The following FLI1 variants were observed in gnomAD, a reference collection of about 807,000 sequenced individuals.
FLI1 encodes the protein Friend leukemia integration 1 transcription factor.
FLI1 carries 13 observed loss-of-function variants against 53.1 expected under a neutral mutation model. That is an observed-to-expected ratio of 0.24 (90% CI 0.16 to 0.39). The LOEUF (loss-of-function observed/expected upper bound fraction) is 0.39. FLI1 is among the 10% of genes least tolerant of loss of function. The pLI is 1.00. For synonymous variants in FLI1, 244 were observed against 236.7 expected, an observed-to-expected ratio of 1.03 and a Z score of -0.28; for missense variants, 424 against 600.5, an observed-to-expected ratio of 0.71 and a Z score of 3.07.
chr11:128,692,130 G>A (rs1344172769), upstream of FLI1: 1 of 152,206 alleles, frequency 6.6e-6, no homozygotes, highest in Non-Finnish European at 1.5e-5. Flanking sequence ...GGCTGAAAAG[G>A]AAACAATTTG....
At chr11:128,728,122 G>A (rs542641113) in intron 1 of FLI1, among the ~76,000 whole-genome samples, 4 of 152,372 alleles carry the variant, frequency 2.6e-5, no homozygotes, top group Admixed American at 2.6e-4. Flanking sequence ...GAATCACAGG[G>A]TGCAGCCCCA....
At chr11:128,736,321 T>C (rs1939914804) in intron 1 of FLI1, among the ~76,000 whole-genome samples, 1 of 152,170 alleles carries the variant, frequency 6.6e-6, no homozygotes, top group African/African-American at 2.4e-5. Flanking sequence ...AAACTTCCAA[T>C]GAAAGGGGTG....
chr11:128,810,935 G>T lies in FLI1; in HGVS notation c.1306G>T (p.Val436Phe). The T allele has an allele frequency of 6.2e-7, 1 of 1,613,876 alleles. No individual in the cohort carries two copies. Among genetic ancestry groups the T allele is most frequent in the Non-Finnish European group, 8.5e-7 (1 of 1,179,868 alleles). ...GGGGGGAATCTACCCCAACCCCAAC[G>T]TCCCCCGCCATCCTAACACCCACGT... ...PTGGIYPNPN[V>F]PRHPNTHVPS... Residue 436 changes from valine (V) to phenylalanine (F), a missense_variant, in exon 9 of 9, where the codon GTC (valine) becomes TTC (phenylalanine). Val to Phe is a conservative substitution (Grantham distance 50, BLOSUM62 -1). Around this residue, in one of 5 missense-constraint regions of FLI1, gnomAD observed 87 missense variants for 100.0 expected, o/e 0.87. Coordinates refer to ENST00000527786, the MANE Select transcript of FLI1 (RefSeq NM_002017.5). This position sits in a 1 kb window ranked among gnomAD's most constrained non-coding sequence, Gnocchi z 6.6.
At chr11:128,701,262 A>G (rs1308552216) in intron 1 of FLI1, among the ~76,000 whole-genome samples, 1 of 152,192 alleles carries the variant, frequency 6.6e-6, no homozygotes, top group Non-Finnish European at 1.5e-5. Context: ...TGGGCCTTCT[A>G]TCCTGGGCTA....
intron 1 of FLI1, among the ~76,000 whole-genome samples, chr11:128,706,467 T>C (rs1938549471): frequency 6.6e-6 from 1 of 152,106 alleles, no homozygotes. Flanking sequence ...AAAGTACCTA[T>C]CACACATTGC....
At chr11:128,733,946 G>A (rs117547086) in intron 1 of FLI1, among the ~76,000 whole-genome samples, 1 of 152,348 alleles carries the variant, frequency 6.6e-6, no homozygotes, top group East Asian at 1.9e-4. Context: ...TCAGCACAGT[G>A]AGGAGAGGAG....
chr11:128,730,698 C>A (rs1939661003), intron 1 of FLI1, among the ~76,000 whole-genome samples: 1 of 152,180 alleles, frequency 6.6e-6, no homozygotes, highest in African/African-American at 2.4e-5. Context: ...GATGGATACA[C>A]CACGAAGGGG....
intron 1 of FLI1, among the ~76,000 whole-genome samples, chr11:128,712,662 T>C (rs665440): frequency 0.063 from 9,601 of 152,146 alleles, 343 homozygotes; most frequent in Middle Eastern, 0.099. Flanking sequence ...CCATCAGATG[T>C]CATGAAACCC....
At chr11:128,717,502 T>A (rs920091277) in intron 1 of FLI1, among the ~76,000 whole-genome samples, 2 of 152,112 alleles carry the variant, frequency 1.3e-5, no homozygotes, top group East Asian at 3.8e-4. Context: ...GTGCTGAGGG[T>A]CTACCCCAAA....
At chr11:128,775,517 G>A (rs554456181) in intron 4 of FLI1, among the ~76,000 whole-genome samples, 2 of 152,222 alleles carry the variant, frequency 1.3e-5, no homozygotes, top group African/African-American at 2.4e-5. Context: ...CCTCTAGTGT[G>A]AGGTGGTGGC....
At chr11:128,771,335 G>A (rs913286831) in intron 3 of FLI1, among the ~76,000 whole-genome samples, 1 of 152,186 alleles carries the variant, frequency 6.6e-6, no homozygotes, top group Non-Finnish European at 1.5e-5. Context: ...AGCCACTCTC[G>A]TGCATGGGCA....
chr11:128,778,501 G>A (rs1281989836), intron 4 of FLI1, among the ~76,000 whole-genome samples: 1 of 152,184 alleles, frequency 6.6e-6, no homozygotes, highest in African/African-American at 2.4e-5. Context: ...GACCACGATG[G>A]GGCTCCTGCC....
intron 5 of FLI1, among the ~76,000 whole-genome samples, chr11:128,791,250 CA>C (rs909936461): frequency 4.4e-4 from 67 of 152,308 alleles, no homozygotes; most frequent in African/African-American, 1.5e-3. Context: ...GTCCTTCAAA[CA>C]TGACTTGGTT....
chr11:128,742,116 C>T (rs540558588), intron 1 of FLI1, among the ~76,000 whole-genome samples: 42 of 152,162 alleles, frequency 2.8e-4, no homozygotes, highest in Admixed American at 2.4e-3. Flanking sequence ...GCAGGTTTGC[C>T]GCAGCTACTC....
intron 5 of FLI1, among the ~76,000 whole-genome samples, chr11:128,783,329 T>TA (rs1941982758): frequency 6.6e-6 from 1 of 152,242 alleles, no homozygotes. Flanking sequence ...ACACAGCACT[T>TA]TGTGTTTCCT....
At chr11:128,781,007 C>G (rs1417137772) in intron 4 of FLI1, among the ~76,000 whole-genome samples, 1 of 152,094 alleles carries the variant, frequency 6.6e-6, no homozygotes, top group Non-Finnish European at 1.5e-5. Context: ...AGGAAAAAGT[C>G]TAGTTTTAGG....
intron 1 of FLI1, among the ~76,000 whole-genome samples, chr11:128,724,790 T>A (rs1296827337): frequency 6.6e-6 from 1 of 152,168 alleles, no homozygotes; most frequent in Non-Finnish European, 1.5e-5. Context: ...GTCCCAGATT[T>A]GTTTCTTCAC....
At chr11:128,778,557 C>T (rs570937407) in intron 4 of FLI1, among the ~76,000 whole-genome samples, 7 of 152,292 alleles carry the variant, frequency 4.6e-5, no homozygotes, top group African/African-American at 7.2e-5. Flanking sequence ...GATATGACTT[C>T]GCTGAGTGTT....
intron 3 of FLI1, among the ~76,000 whole-genome samples, chr11:128,770,579 A>T (rs533120256): frequency 3.9e-5 from 6 of 152,346 alleles, no homozygotes; most frequent in Non-Finnish European, 7.3e-5. Context: ...AGAGTTGAAG[A>T]TTTATAATTC....
Sources: allele counts gnomAD v4.1 joint callset (sites outside exome capture counted in the v4.1 genomes callset), GRCh38; gene constraint gnomAD v4.1.1; regional missense constraint gnomAD v4.1.1; non-coding constraint Gnocchi (gnomAD v3.1); transcripts MANE v1.5; gene names NCBI Gene and HGNC (gene_info 2026-07-23, HGNC 2026-07-21).